The following RAB7A variants were observed in gnomAD, a reference collection of about 807,000 sequenced individuals.
RAB7A encodes the protein RAB7A, member RAS oncogene family.
RAB7A carries 2 observed loss-of-function variants against 24.5 expected under a neutral mutation model. The observed-to-expected ratio is 0.08, with a 90% CI of 0.03 to 0.26. The LOEUF (loss-of-function observed/expected upper bound fraction) is 0.26. Among genes scored for constraint, RAB7A ranks in the 10% least tolerant of loss-of-function variants. The pLI, the probability that RAB7A is intolerant of heterozygous loss-of-function variation, is 1.00. For missense variants in RAB7A, 118 were observed against 255.7 expected (o/e 0.46, Z 3.67); for synonymous variants, 100 against 95.9 (o/e 1.04, Z -0.25).
At chr3:128,803,185 G>T (rs1933734990) in intron 3 of RAB7A, among the ~76,000 whole-genome samples, 1 of 152,030 alleles carries the variant, frequency 6.6e-6, no homozygotes, top group Non-Finnish European at 1.5e-5. Flanking sequence ...AAGACCTGAA[G>T]GTGGAAAAAA....
In RAB7A at chr3:128,757,402, T is replaced by C. The variant is rs528831528; in HGVS notation, c.-9+31043T>C. 5.2e-4 allele frequency among the ~76,000 whole-genome samples: 79 copies of C among 152,270 alleles called. 1 individual carries two copies. Among genetic ancestry groups the C allele is most frequent in the Non-Finnish European group, 1.0e-3 (68 of 68,014 alleles). The stretch of plus-strand genomic sequence containing the variant: ...TGCAGGAGAGGGAACAAGTGTGATA[T>C]TGAGGCCAGGTGTGCTTAGCAGTTT... On this transcript the variant is annotated intron_variant, in intron 1 of 5. Transcript: ENST00000265062.
chr3:128,783,055 A>G (rs1401519880), intron 1 of RAB7A, among the ~76,000 whole-genome samples: 3 of 152,194 alleles, frequency 2.0e-5, no homozygotes, highest in Non-Finnish European at 4.4e-5. Context: ...AAACAAAGAC[A>G]GATTGGCATT....
intron 5 of RAB7A, among the ~76,000 whole-genome samples, chr3:128,811,054 CA>C (rs1371644039): frequency 3.0e-4 from 41 of 137,518 alleles, no homozygotes; most frequent in Admixed American, 1.7e-3. Flanking sequence ...AACTCCATCT[CA>C]AAAAAAAAAA....
rs574310001 is a variant in RAB7A at position 128,730,614 on chromosome 3, A to G, written c.-9+4255A>G. Among the ~76,000 whole-genome samples, 15 of 152,358 alleles carry G rather than the reference A, an allele frequency of 9.8e-5. 1 individual carries two copies. The East Asian group carries it at 2.9e-3, about 29-fold the overall frequency. ...TAAAAGTGATGTGGCGAGTGAAATC[A>G]AAACAAGTTTTTTAGCAGTGTCTGT... On this transcript the variant is annotated intron_variant, in intron 1 of 5. Coordinates refer to ENST00000265062, the MANE Select transcript of RAB7A (RefSeq NM_004637.6).
At chr3:128,800,082 A>T (rs2107613075) in intron 3 of RAB7A, among the ~76,000 whole-genome samples, 1 of 152,386 alleles carries the variant, frequency 6.6e-6, no homozygotes, top group African/African-American at 2.4e-5. Flanking sequence ...ACTGTAGATT[A>T]AATGGAGCTG....
At chr3:128,783,575 C>G (rs1330426714) in intron 1 of RAB7A, among the ~76,000 whole-genome samples, 1 of 152,122 alleles carries the variant, frequency 6.6e-6, no homozygotes, top group Non-Finnish European at 1.5e-5. Flanking sequence ...TCTCCCTCAC[C>G]TGGCTGCTTT....
At chr3:128,811,153 G>T (rs1933917963) in intron 5 of RAB7A, among the ~76,000 whole-genome samples, 1 of 151,334 alleles carries the variant, frequency 6.6e-6, no homozygotes, top group African/African-American at 2.4e-5. Context: ...TAGAGACAGG[G>T]TCTTGCTCTG....
At chr3:128,811,651 A>G (rs1933929770) in intron 5 of RAB7A, among the ~76,000 whole-genome samples, 1 of 152,072 alleles carries the variant, frequency 6.6e-6, no homozygotes, top group Non-Finnish European at 1.5e-5. Flanking sequence ...GGAGTTTGAG[A>G]CCATCTTGGG....
chr3:128,764,330 G>A, intron 1 of RAB7A: 1 of 583,896 alleles, frequency 1.7e-6, no homozygotes, highest in Non-Finnish European at 3.0e-6. Context: ...TTATTTGAAG[G>A]AATGGTACAA....
At chr3:128,727,148 A>T (rs1487155933) in intron 1 of RAB7A, among the ~76,000 whole-genome samples, 1 of 152,194 alleles carries the variant, frequency 6.6e-6, no homozygotes, top group Admixed American at 6.5e-5. Context: ...TTGAGCGTTT[A>T]TTGTATGCTA....
intron 2 of RAB7A, among the ~76,000 whole-genome samples, chr3:128,795,751 C>CTTGCTTTTTTTTTTTTT (rs1933555041): frequency 2.3e-5 from 1 of 43,032 alleles, no homozygotes; most frequent in Non-Finnish European, 4.7e-5. Context: ...AGCAGATGTG[C>CTTGCTTTTTTTTTTTTT]TTTTTTTTTT....
At chr3:128,732,092 T>C (rs1421282095) in intron 1 of RAB7A, among the ~76,000 whole-genome samples, 5 of 144,240 alleles carry the variant, frequency 3.5e-5, no homozygotes, top group Admixed American at 2.8e-4. Context: ...CAGGCTGGAG[T>C]GCAGTAGCAT....
chr3:128,730,927 G>A (rs2107581008), intron 1 of RAB7A, among the ~76,000 whole-genome samples: 2 of 152,308 alleles, frequency 1.3e-5, no homozygotes, highest in Admixed American at 1.3e-4. Context: ...GCAAATCCAA[G>A]GGAGCCTATT....
At chr3:128,808,853 G>A (rs1203601072) in intron 5 of RAB7A, among the ~76,000 whole-genome samples, 1 of 152,176 alleles carries the variant, frequency 6.6e-6, no homozygotes, top group Admixed American at 6.5e-5. Flanking sequence ...AGGACAAAGA[G>A]TTGTTTGTAA....
intron 5 of RAB7A, among the ~76,000 whole-genome samples, chr3:128,812,136 G>A (rs1933941297): frequency 6.6e-6 from 1 of 152,152 alleles, no homozygotes; most frequent in African/African-American, 2.4e-5. Flanking sequence ...TTCATGGCAT[G>A]TGAGTTAAAA....
intron 1 of RAB7A, among the ~76,000 whole-genome samples, chr3:128,734,624 G>GATCT (rs2107582881): frequency 6.6e-6 from 1 of 152,048 alleles, no homozygotes; most frequent in Non-Finnish European, 1.5e-5. Flanking sequence ...GTGGGGTGTA[G>GATCT]ATCTAACCAT....
intron 1 of RAB7A, among the ~76,000 whole-genome samples, chr3:128,792,172 G>A (rs941837459): frequency 7.2e-5 from 11 of 152,204 alleles, no homozygotes; most frequent in African/African-American, 2.7e-4. Context: ...ACACGTGTGG[G>A]TAGAGACTCA....
intron 5 of RAB7A, among the ~76,000 whole-genome samples, chr3:128,810,940 G>C (rs1320644155): frequency 6.6e-6 from 1 of 152,048 alleles, no homozygotes; most frequent in Non-Finnish European, 1.5e-5. Flanking sequence ...TGTAATCCCA[G>C]CTACTTAGGA....
chr3:128,804,151 A>G (rs975020556), intron 3 of RAB7A, among the ~76,000 whole-genome samples: 2 of 149,944 alleles, frequency 1.3e-5, no homozygotes, highest in African/African-American at 5.0e-5. Flanking sequence ...TTAGACTTCA[A>G]CTTCAACTTA....
Sources: allele counts gnomAD v4.1 joint callset (sites outside exome capture counted in the v4.1 genomes callset), GRCh38; gene constraint gnomAD v4.1.1; transcripts MANE v1.5; gene names NCBI Gene and HGNC (gene_info 2026-07-23, HGNC 2026-07-21).